Variants in TENT2 observed in about 807,000 individuals in gnomAD.
TENT2 encodes the protein terminal nucleotidyltransferase 2, also known as poly(A) RNA polymerase GLD2.
Under a neutral mutation model 72.2 loss-of-function variants are expected in TENT2, and 44 were observed. The ratio of observed to expected loss-of-function variants is 0.61; its 90% CI spans 0.48 to 0.78. The LOEUF is 0.78. Ranked by LOEUF, TENT2 falls within the 30% of genes least tolerant of loss-of-function variation. TENT2 has a pLI of 0.00. For synonymous variants in TENT2, 212 were observed against 192.5 expected (o/e 1.10, Z -0.84); for missense variants, 541 against 569.6 (o/e 0.95, Z 0.51).
intron 12 of TENT2, among the ~76,000 whole-genome samples, chr5:79,673,834 G>C (rs1237995327): frequency 6.6e-6 from 1 of 152,096 alleles, no homozygotes; most frequent in East Asian, 1.9e-4. Context: ...TCACCAGGTA[G>C]ATGGTATTTA....
intron 12 of TENT2, among the ~76,000 whole-genome samples, chr5:79,672,553 G>A (rs1813759011): frequency 6.6e-6 from 1 of 152,168 alleles, no homozygotes; most frequent in African/African-American, 2.4e-5. Flanking sequence ...AGATAACTGA[G>A]AACATGTGAA....
chr5:79,618,066 G>C (rs188322654), intron 1 of TENT2, among the ~76,000 whole-genome samples: 249 of 152,076 alleles, frequency 1.6e-3, no homozygotes, highest in Non-Finnish European at 2.8e-3. Flanking sequence ...TACAATGTTA[G>C]ATCACATAGT....
chr5:79,624,202 G>C (rs1418719043), intron 4 of TENT2, among the ~76,000 whole-genome samples: 1 of 152,086 alleles, frequency 6.6e-6, no homozygotes, highest in Non-Finnish European at 1.5e-5. Flanking sequence ...CATTTTCAAA[G>C]CTGCCACACT....
chr5:79,654,524 G>A (rs890873487), intron 10 of TENT2, among the ~76,000 whole-genome samples: 4 of 152,144 alleles, frequency 2.6e-5, no homozygotes, highest in African/African-American at 7.2e-5. Flanking sequence ...ATATTCCTAG[G>A]CATACAGAGC....
At chr5:79,618,590 C>CT (rs1762310509) in intron 1 of TENT2, among the ~76,000 whole-genome samples, 2 of 150,642 alleles carry the variant, frequency 1.3e-5, no homozygotes. Flanking sequence ...TTTCATTAAT[C>CT]TGAGTTTTTT....
intron 4 of TENT2, among the ~76,000 whole-genome samples, chr5:79,626,356 G>A (rs1769884881): frequency 6.8e-6 from 1 of 147,256 alleles, no homozygotes; most frequent in South Asian, 2.2e-4. Flanking sequence ...CGCCCAGGCT[G>A]GAGTGCAGTG....
intron 11 of TENT2, among the ~76,000 whole-genome samples, chr5:79,663,018 C>G (rs781397292): frequency 6.6e-6 from 1 of 152,174 alleles, no homozygotes; most frequent in Non-Finnish European, 1.5e-5. Context: ...GGATAACTTG[C>G]TATAGCTTCT....
rs376748229 is a variant in TENT2, at chr5:79,626,615, A to G, written c.465+3126A>G. ...AACCCCCGCACCCGGCCACCTGGCT[A>G]ATGTTTTTAATTTTTTTTTTTTTTT... is the stretch of plus-strand genomic sequence containing the variant. On this transcript the variant is annotated intron_variant, in intron 4 of 14. Coordinates refer to ENST00000453514, the MANE Select transcript of TENT2 (RefSeq NM_001114394.3). Among the ~76,000 whole-genome samples the G allele has an allele frequency of 9.0e-4, 125 of 138,470 alleles. 1 individual carries two copies. Among genetic ancestry groups the G allele is most frequent in the African/African-American group, 3.4e-3 (117 of 33,946 alleles). The allele number at this position is 138,470 out of a possible 152,430, so 90.8% of individuals were successfully genotyped here.
At chr5:79,673,485 G>C (rs570482104) in intron 12 of TENT2, among the ~76,000 whole-genome samples, 1 of 151,782 alleles carries the variant, frequency 6.6e-6, no homozygotes, top group Non-Finnish European at 1.5e-5. Flanking sequence ...CAAGAGATAG[G>C]GTTCTAGTTT....
At chr5:79,646,527 C>G (rs1045902434) in intron 8 of TENT2, among the ~76,000 whole-genome samples, 2 of 152,138 alleles carry the variant, frequency 1.3e-5, no homozygotes, top group African/African-American at 4.8e-5. Flanking sequence ...ATGCCTGGCT[C>G]AAGCCATTCC....
chr5:79,641,740 G>C (rs558388294), intron 6 of TENT2, among the ~76,000 whole-genome samples: 2 of 147,684 alleles, frequency 1.4e-5, no homozygotes, highest in Admixed American at 1.4e-4. Context: ...CAACAATATT[G>C]TGTTAATTTA....
intron 11 of TENT2, among the ~76,000 whole-genome samples, chr5:79,667,281 T>G (rs1360123272): frequency 6.6e-6 from 1 of 152,224 alleles, no homozygotes; most frequent in Non-Finnish European, 1.5e-5. Context: ...AGTAAGAAGC[T>G]TTCAGAGCGG....
intron 1 of TENT2, among the ~76,000 whole-genome samples, chr5:79,614,390 A>G (rs1178470523): frequency 6.6e-6 from 1 of 152,178 alleles, no homozygotes; most frequent in Non-Finnish European, 1.5e-5. Flanking sequence ...GGCGTGAGCC[A>G]CTGTGCCCGG....
In TENT2 at chr5:79,649,450, C is replaced by A. The variant is rs180729535; in HGVS notation, c.1027+260C>A. Among the ~76,000 whole-genome samples, 649 of 150,302 alleles carry A rather than the reference C, an allele frequency of 4.3e-3. 5 individuals are homozygous for A. The highest frequency in any genetic ancestry group is 0.014 in the African/African-American group (575 of 40,426). On this transcript the variant is annotated intron_variant, in intron 10 of 14. Coordinates refer to ENST00000453514, the MANE Select transcript of TENT2 (RefSeq NM_001114394.3). ...TTTTGTTTTCAAAGAACTTTCACCA[C>A]TGTATTGTGGACCCATTATCTTGAA...
intron 12 of TENT2, among the ~76,000 whole-genome samples, chr5:79,670,991 T>C (rs1340106481): frequency 6.6e-6 from 1 of 151,812 alleles, no homozygotes; most frequent in Non-Finnish European, 1.5e-5. Context: ...AATTAGGGAC[T>C]GGGGGATGTT....
In TENT2 at chr5:79,619,634, C is replaced by A; in HGVS notation, c.-15C>A. 1.2e-6 allele frequency: 2 copies of A among 1,604,820 alleles called. No homozygotes were observed. Among genetic ancestry groups the A allele is most frequent in the South Asian group, 1.1e-5 (1 of 90,372 alleles). ...TAGGTAGAAGAATACATGTTCACTTCCAGTGAACAAGAGCATGTTCCCAAA... is the reference window on the plus strand; with the variant it reads ...TAGGTAGAAGAATACATGTTCACTTACAGTGAACAAGAGCATGTTCCCAAA... On this transcript the variant is annotated 5_prime_UTR_variant, in exon 2 of 15. Coordinates refer to ENST00000453514, the MANE Select transcript of TENT2 (RefSeq NM_001114394.3).
At chr5:79,646,931 G>C (rs1580415460) in intron 8 of TENT2, among the ~76,000 whole-genome samples, 1 of 151,814 alleles carries the variant, frequency 6.6e-6, no homozygotes, top group Admixed American at 6.6e-5. Flanking sequence ...AACACACTTG[G>C]TTAATTTTTG....
intron 12 of TENT2, among the ~76,000 whole-genome samples, chr5:79,671,915 C>T (rs1012753977): frequency 6.6e-5 from 10 of 151,886 alleles, no homozygotes; most frequent in African/African-American, 2.4e-4. Flanking sequence ...CCAGCCTGGG[C>T]AACATGGCAA....
At chr5:79,637,798 CTTTT>C (rs60911107) in intron 4 of TENT2, among the ~76,000 whole-genome samples, 21 of 122,402 alleles carry the variant, frequency 1.7e-4, no homozygotes, top group African/African-American at 5.7e-4. Context: ...TCCTCTTTTG[CTTTT>C]TTTTTTTTTT....
Sources: gnomAD v4.1 joint callset for allele counts (sites outside exome capture counted in the v4.1 genomes callset) on GRCh38, gnomAD v4.1.1 for gene constraint, MANE v1.5 for transcripts, NCBI Gene and HGNC (gene_info 2026-07-23, HGNC 2026-07-21) for gene names.